Variants in PCNX1 observed in about 807,000 individuals in gnomAD.
PCNX1 encodes the protein pecanex 1.
Under a neutral mutation model 242.2 loss-of-function variants are expected in PCNX1, and 78 were observed. That is an observed-to-expected ratio of 0.32 (90% CI 0.27 to 0.39). The LOEUF (loss-of-function observed/expected upper bound fraction) is 0.39, where lower values mean the gene tolerates loss of function less well. Among genes scored for constraint, PCNX1 ranks in the 10% least tolerant of loss-of-function variants. The pLI is 1.00. For missense variants in PCNX1, 2,581 were observed against 2,856.5 expected (o/e 0.90, Z 2.20); for synonymous variants, 1,024 against 1,032.9 (o/e 0.99, Z 0.17).
rs2526882 is a variant in PCNX1 at position 70,907,985 on chromosome 14, G to A, written c.135G>A (p.Leu45=). ...HLYLWLFLLG[L]PFTLYMALPS... is the part of the protein sequence containing the mutation. The stretch of plus-strand genomic sequence containing the variant: ...ACCTGTGGCTCTTTCTGCTGGGCCT[G>A]CCCTTCACCCTCTACATGGTGAGTG... The change falls in exon 1 of 36, where the codon CTG becomes CTA. Residue 45 remains leucine (L), a synonymous_variant. Transcript: ENST00000304743. The A allele has an allele frequency of 0.65, 1,031,374 of 1,593,716 alleles. 337,406 individuals carry two copies. Among genetic ancestry groups the A allele is most frequent in the South Asian group, 0.73 (65,185 of 89,126 alleles).
At chr14:71,058,765 A>G (rs1420501957) in intron 26 of PCNX1, among the ~76,000 whole-genome samples, 5 of 152,220 alleles carry the variant, frequency 3.3e-5, no homozygotes, top group African/African-American at 7.2e-5. Flanking sequence ...GCAGCACTCA[A>G]ATTAATGCGG....
chr14:70,973,760 CAT>C (rs1014861666), intron 5 of PCNX1, among the ~76,000 whole-genome samples: 45 of 152,140 alleles, frequency 3.0e-4, no homozygotes, highest in African/African-American at 1.1e-3. Flanking sequence ...ATAAAAGTAA[CAT>C]ATATGTTAAC....
At chr14:71,015,728 T>C (rs1177877556) in intron 11 of PCNX1, among the ~76,000 whole-genome samples, 1 of 152,134 alleles carries the variant, frequency 6.6e-6, no homozygotes, top group Non-Finnish European at 1.5e-5. Flanking sequence ...GGAGATAAGA[T>C]GGATTATAAA....
intron 6 of PCNX1, 73 bp downstream of exon 6, chr14:70,978,721 C>T: frequency 1.6e-6 from 2 of 1,246,742 alleles, no homozygotes; most frequent in Admixed American, 2.4e-5. Context: ...GTAGTACTTA[C>T]TAAAATATGC....
chr14:71,105,149 C>T, intron 32 of PCNX1, 86 bp from the exon 33 acceptor site: 2 of 943,114 alleles, frequency 2.1e-6, no homozygotes, highest in Admixed American at 2.1e-5. Context: ...GTAGCATTTG[C>T]AGTTCAGAAT....
chr14:71,043,844 T>C (rs1489869239), intron 19 of PCNX1, among the ~76,000 whole-genome samples: 1 of 152,226 alleles, frequency 6.6e-6, no homozygotes, highest in Non-Finnish European at 1.5e-5. Flanking sequence ...TTCTTTGGTA[T>C]CTGTTACTGG....
At chr14:70,949,957 A>G (rs759123616) in intron 2 of PCNX1, among the ~76,000 whole-genome samples, 6 of 152,228 alleles carry the variant, frequency 3.9e-5, no homozygotes, top group Non-Finnish European at 8.8e-5. Context: ...TAATCTAAGC[A>G]GTTGTTTCCA....
intron 2 of PCNX1, among the ~76,000 whole-genome samples, chr14:70,950,377 T>C (rs1664613313): frequency 6.6e-6 from 1 of 152,166 alleles, no homozygotes; most frequent in African/African-American, 2.4e-5. Flanking sequence ...TGATGCACAG[T>C]ATCTCATTAT....
rs2058734566 is a variant in PCNX1, at chr14:70,978,094, T to C, written c.1757T>C (p.Val586Ala). Residue 586 changes from valine (V) to alanine (A), a missense_variant, in exon 6 of 36, where the codon GTT becomes GCT. Physicochemically the swap from Val to Ala is moderately conservative, Grantham distance 64. This residue lies in a region of PCNX1 where 1,204 missense variants were observed against 1,216.7 expected (regional missense o/e 0.99). Transcript: ENST00000304743. ...AGGGACTATGTTTGCTTTCGAGGTGTTTCTGGTACCAAGCCACACAGTGCT... is the reference window on the plus strand; with the variant it reads ...AGGGACTATGTTTGCTTTCGAGGTGCTTCTGGTACCAAGCCACACAGTGCT... ...RHRDYVCFRGVSGTKPHSAIF... is the reference protein window; with the variant it reads ...RHRDYVCFRGASGTKPHSAIF... The C allele has an allele frequency of 6.2e-7, 1 of 1,613,992 alleles. No individual in the cohort carries two copies. The highest frequency in any genetic ancestry group is 1.7e-5 in the Admixed American group (1 of 59,996).
chr14:71,025,306 C>T (rs1358757499), intron 13 of PCNX1, among the ~76,000 whole-genome samples: 1 of 152,108 alleles, frequency 6.6e-6, no homozygotes, highest in Non-Finnish European at 1.5e-5. Context: ...CTTTCTGTGT[C>T]CTTTTGACAT....
intron 2 of PCNX1, among the ~76,000 whole-genome samples, chr14:70,952,424 T>C (rs1308108919): frequency 1.3e-5 from 2 of 152,206 alleles, no homozygotes; most frequent in Non-Finnish European, 2.9e-5. Flanking sequence ...ACTTTTCCCT[T>C]CAGGAGTAAC....
chr14:70,963,557 A>G (rs937873967), intron 3 of PCNX1, among the ~76,000 whole-genome samples: 3 of 152,208 alleles, frequency 2.0e-5, no homozygotes, highest in Admixed American at 6.5e-5. Flanking sequence ...GAAAAACACT[A>G]TATGAATCAA....
intron 1 of PCNX1, among the ~76,000 whole-genome samples, chr14:70,946,048 A>C (rs2057443803): frequency 6.6e-6 from 1 of 152,186 alleles, no homozygotes; most frequent in Non-Finnish European, 1.5e-5. Flanking sequence ...CTGTGGACTC[A>C]AGTTCCCCAT....
intron 7 of PCNX1, 22 bp downstream of exon 7, chr14:70,988,721 C>G (rs749425139): frequency 3.1e-6 from 5 of 1,605,012 alleles, no homozygotes; most frequent in Non-Finnish European, 3.4e-6. Context: ...TCAATTCCAC[C>G]AAGTTTAGCA....
rs1037951888 is a variant in PCNX1, at chr14:71,103,544, C to T, written c.5970C>T (p.Gly1990=). The T allele has an allele frequency of 1.2e-6, 2 of 1,614,066 alleles. No individual in the cohort carries two copies. Among genetic ancestry groups the T allele is most frequent in the African/African-American group, 2.7e-5 (2 of 74,924 alleles). ...ACTCATCTTGTGATCAACCTATTGG[C>T]TACCCAATCTTTGTCTCACCCCTGA... ...MINSSCDQPI[G]YPIFVSPLTT... The change falls in exon 32 of 36, where the codon GGC becomes GGT. Residue 1990 remains glycine (G), a synonymous_variant. Transcript: ENST00000304743.
Position 70,978,259 on chromosome 14 carries a change from G to A in PCNX1, c.1922G>A (p.Ser641Asn), listed in dbSNP as rs2058739343. Residue 641 changes from serine (S) to asparagine (N), a missense_variant, in exon 6 of 36, where the codon AGT (serine) becomes AAT (asparagine). Ser to Asn is a conservative substitution (Grantham distance 46, BLOSUM62 1). Transcript: ENST00000304743. The part of the protein sequence containing the change: ...HSCQSPEGRY[S>N]ALKTKHTHKE... ...TGTCAGTCTCCTGAGGGCAGATACA[G>A]TGCTCTAAAGACCAAACACACTCAT... 2 of 1,614,082 alleles carry A rather than the reference G, an allele frequency of 1.2e-6. No homozygotes were observed. Among genetic ancestry groups the A allele is most frequent in the African/African-American group, 1.3e-5 (1 of 75,026 alleles).
Position 70,938,132 on chromosome 14 carries a change from T to G in PCNX1, c.154-8783T>G, listed in dbSNP as rs567987253. ...TTGAATACCCTTTATTTCCTTCTCC[T>G]GCCTGATTGCCCTGGCCAGAACTTC... On this transcript the variant is annotated intron_variant, in intron 1 of 35. Coordinates refer to ENST00000304743, the MANE Select transcript of PCNX1 (RefSeq NM_014982.3). Among the ~76,000 whole-genome samples the G allele has an allele frequency of 2.6e-5, 4 of 152,310 alleles. No homozygotes were observed. In the South Asian group the frequency reaches 6.2e-4, roughly 24 times the overall value.
At chr14:70,916,712 A>T (rs1440687003) in intron 1 of PCNX1, among the ~76,000 whole-genome samples, 2 of 152,182 alleles carry the variant, frequency 1.3e-5, no homozygotes, top group African/African-American at 2.4e-5. Context: ...GGTCTTGCCT[A>T]AGTGTTGTTG....
intron 1 of PCNX1, among the ~76,000 whole-genome samples, chr14:70,945,578 CT>C (rs11302936): frequency 0.64 from 96,257 of 150,628 alleles, 30,900 homozygotes; most frequent in South Asian, 0.73. Context: ...AAAAACTTTT[CT>C]TTTTTTTTTA....
Sources: allele counts gnomAD v4.1 joint callset (sites outside exome capture counted in the v4.1 genomes callset), GRCh38; gene constraint gnomAD v4.1.1; regional missense constraint gnomAD v4.1.1; transcripts MANE v1.5; gene names NCBI Gene and HGNC (gene_info 2026-07-23, HGNC 2026-07-21).